CREB5: variants seen among roughly 807,000 people sequenced by gnomAD.
CREB5 encodes cAMP responsive element binding protein 5.
Under a neutral mutation model 57.1 loss-of-function variants are expected in CREB5, and 19 were observed. That is an observed-to-expected ratio of 0.33 (90% CI 0.23 to 0.49). CREB5 has a LOEUF of 0.49. Among genes scored for constraint, CREB5 ranks in the 20% least tolerant of loss-of-function variants. CREB5 has a pLI of 0.99. For missense variants in CREB5, 579 were observed against 671.6 expected (o/e 0.86, Z 1.52); for synonymous variants, 238 against 238.3 (o/e 1.00, Z 0.01).
rs767744408 is a variant in CREB5, at chr7:28,743,036, G to A, written c.702+18704G>A. On this transcript the variant is annotated intron_variant, in intron 7 of 10. Coordinates refer to ENST00000357727, the MANE Select transcript of CREB5 (RefSeq NM_182898.4). ...TGACCTCAAGTGATCTGCCGGCGTC[G>A]GCCTTCCAAAGTGCTGGAATTACAG... Among the ~76,000 whole-genome samples the A allele has an allele frequency of 3.0e-4, 45 of 152,130 alleles. 1 individual carries two copies. Among genetic ancestry groups the A allele is most frequent in the Admixed American group, 9.2e-4 (14 of 15,286 alleles).
intron 5 of CREB5, among the ~76,000 whole-genome samples, chr7:28,689,882 G>A (rs1459150760): frequency 4.7e-5 from 7 of 150,502 alleles, no homozygotes; most frequent in Admixed American, 4.6e-4. Flanking sequence ...TTTATGGGCT[G>A]TGAATTCTCC....
intron 1 of CREB5, among the ~76,000 whole-genome samples, chr7:28,403,147 A>G (rs1253161936): frequency 6.6e-6 from 1 of 152,202 alleles, no homozygotes; most frequent in Non-Finnish European, 1.5e-5. Flanking sequence ...CTTGTATAAA[A>G]TTGCTCTGTT....
intron 2 of CREB5, among the ~76,000 whole-genome samples, chr7:28,490,404 CA>C (rs1286769097): frequency 6.6e-6 from 1 of 152,148 alleles, no homozygotes; most frequent in Non-Finnish European, 1.5e-5. Flanking sequence ...AGAGACCCAG[CA>C]AAGGCAAAAG....
rs959089630 is a variant in CREB5 at position 28,681,462 on chromosome 7, TG to T, written c.465-37288del. Among the ~76,000 whole-genome samples the T allele has an allele frequency of 2.1e-4, 32 of 152,128 alleles. 1 individual carries two copies. Among genetic ancestry groups the T allele is most frequent in the Admixed American group, 7.9e-4 (12 of 15,268 alleles). On this transcript the variant is annotated intron_variant, in intron 5 of 10. Coordinates refer to ENST00000357727, the MANE Select transcript of CREB5 (RefSeq NM_182898.4). ...ATGCCTCACTGTAGTCTTGAACTCC[TG>T]GGCTCAAGTGATCCTCCACCTCAGC...
rs188097534 is a variant in CREB5, at chr7:28,795,964, G to T, written c.703-8235G>T. ...AGATGGGGTTTCACTATGTTGACCC[G>T]CTAGTCTCAACCTCCTGACCTCAAG... On this transcript the variant is annotated intron_variant, in intron 7 of 10. Coordinates refer to ENST00000357727, the MANE Select transcript of CREB5 (RefSeq NM_182898.4). Among the ~76,000 whole-genome samples the T allele has an allele frequency of 3.9e-5, 6 of 152,030 alleles. No individual in the cohort carries two copies. The East Asian group carries it at 9.7e-4, about 24-fold the overall frequency.
At chr7:28,746,293 A>T (rs1046806400) in intron 7 of CREB5, among the ~76,000 whole-genome samples, 1 of 152,172 alleles carries the variant, frequency 6.6e-6, no homozygotes, top group Admixed American at 6.5e-5. Flanking sequence ...CTCTCACTCT[A>T]TGTAAAGCAA....
chr7:28,560,871 TGCGCGTGC>T (rs1554344343), intron 4 of CREB5, among the ~76,000 whole-genome samples: 9 of 38,006 alleles, frequency 2.4e-4, no homozygotes, highest in South Asian at 1.6e-3. Flanking sequence ...TGTGCCTGCG[TGCGCGTGC>T]GTGCGTGCGT....
intron 1 of CREB5, among the ~76,000 whole-genome samples, chr7:28,320,137 T>C (rs1466954521): frequency 1.3e-5 from 2 of 151,892 alleles, no homozygotes. Flanking sequence ...CGCCATGTTG[T>C]CCAGGCTGGT....
At chr7:28,555,396 T>C (rs1794825113) in intron 4 of CREB5, among the ~76,000 whole-genome samples, 1 of 152,230 alleles carries the variant, frequency 6.6e-6, no homozygotes, top group African/African-American at 2.4e-5. Flanking sequence ...GTGGTTTATC[T>C]TTTGCCCTGA....
At chr7:28,434,265 C>T (rs895428721) in intron 1 of CREB5, among the ~76,000 whole-genome samples, 6 of 152,094 alleles carry the variant, frequency 3.9e-5, no homozygotes, top group Non-Finnish European at 7.4e-5. Context: ...CAAAGGTATG[C>T]ACTAATTAAT....
intron 1 of CREB5, among the ~76,000 whole-genome samples, chr7:28,424,734 TTTG>T (rs1256645226): frequency 6.6e-6 from 1 of 152,224 alleles, no homozygotes; most frequent in Non-Finnish European, 1.5e-5. Flanking sequence ...CAATTATTGT[TTTG>T]ATGTGCTAAC....
At chr7:28,525,875 A>G (rs749725401) in intron 4 of CREB5, among the ~76,000 whole-genome samples, 5 of 152,150 alleles carry the variant, frequency 3.3e-5, no homozygotes, top group Non-Finnish European at 7.3e-5. Flanking sequence ...AATAATAATT[A>G]CTTAGCTCAC....
intron 1 of CREB5, among the ~76,000 whole-genome samples, chr7:28,379,854 A>G (rs1786925639): frequency 1.3e-5 from 2 of 152,166 alleles, no homozygotes; most frequent in Non-Finnish European, 2.9e-5. Flanking sequence ...CCTCAGATCT[A>G]TTGAGTTAGA....
At chr7:28,765,696 T>C (rs1562626130) in intron 7 of CREB5, among the ~76,000 whole-genome samples, 1 of 152,236 alleles carries the variant, frequency 6.6e-6, no homozygotes, top group Non-Finnish European at 1.5e-5. Context: ...CTTCTTTGCC[T>C]GTTGGTATTC....
intron 1 of CREB5, among the ~76,000 whole-genome samples, chr7:28,333,998 T>C (rs1444776975): frequency 6.6e-6 from 1 of 152,220 alleles, no homozygotes; most frequent in East Asian, 1.9e-4. Context: ...GTTTTACTAA[T>C]TTATATTCCC....
chr7:28,725,841 G>A lies in CREB5; in HGVS notation c.702+1509G>A, dbSNP rs147028307. ...TGCTTCAGGGTCTGTACCTTTTGGAGGGACCTTCCAGATAGATATTAGGTA... is the reference window on the plus strand; with the variant it reads ...TGCTTCAGGGTCTGTACCTTTTGGAAGGACCTTCCAGATAGATATTAGGTA... On this transcript the variant is annotated intron_variant, in intron 7 of 10. Coordinates refer to ENST00000357727, the MANE Select transcript of CREB5 (RefSeq NM_182898.4). 1.9e-3 allele frequency among the ~76,000 whole-genome samples: 288 copies of A among 152,178 alleles called. 1 individual carries two copies. The highest frequency in any genetic ancestry group is 6.6e-3 in the African/African-American group (275 of 41,518).
chr7:28,422,051 G>A (rs1390495444), intron 1 of CREB5, among the ~76,000 whole-genome samples: 4 of 151,928 alleles, frequency 2.6e-5, no homozygotes, highest in African/African-American at 4.8e-5. Context: ...GTTGCTTTGC[G>A]GGGGACAACC....
At chr7:28,770,168 G>A (rs965892838) in intron 7 of CREB5, among the ~76,000 whole-genome samples, 2 of 152,244 alleles carry the variant, frequency 1.3e-5, no homozygotes, top group African/African-American at 2.4e-5. Context: ...AGGGGAGCCG[G>A]TGGAGAAAGG....
At chr7:28,523,041 T>C (rs1358049022) in intron 4 of CREB5, among the ~76,000 whole-genome samples, 1 of 152,086 alleles carries the variant, frequency 6.6e-6, no homozygotes, top group Non-Finnish European at 1.5e-5. Flanking sequence ...AAAATGAACA[T>C]TTGGTGAGTG....
Sources: allele counts gnomAD v4.1 joint callset (sites outside exome capture counted in the v4.1 genomes callset), GRCh38; gene constraint gnomAD v4.1.1; transcripts MANE v1.5; gene names NCBI Gene and HGNC (gene_info 2026-07-23, HGNC 2026-07-21).